NTRK3: variants seen among roughly 807,000 people sequenced by gnomAD.
The protein encoded by NTRK3 is NT-3 growth factor receptor.
Under a neutral mutation model 91.7 loss-of-function variants are expected in NTRK3, and 24 were observed. That is an observed-to-expected ratio of 0.26 (90% CI 0.19 to 0.37). The LOEUF (loss-of-function observed/expected upper bound fraction) is 0.37. Ranked by LOEUF, NTRK3 falls within the 10% of genes least tolerant of loss-of-function variation. The pLI is 1.00. For synonymous variants in NTRK3, 483 were observed against 404.0 expected, an observed-to-expected ratio of 1.20 and a Z score of -2.34; for missense variants, 880 against 1,068.9, an observed-to-expected ratio of 0.82 and a Z score of 2.46.
At chr15:87,964,857 ACAC>A (rs1367418792) in intron 14 of NTRK3, among the ~76,000 whole-genome samples, 2 of 152,238 alleles carry the variant, frequency 1.3e-5, no homozygotes, top group Non-Finnish European at 2.9e-5. Flanking sequence ...TTCTATGGTT[ACAC>A]CACATTTTCT....
chr15:88,108,443 T>C (rs989249891), intron 13 of NTRK3, among the ~76,000 whole-genome samples: 1 of 152,170 alleles, frequency 6.6e-6, no homozygotes, highest in African/African-American at 2.4e-5. Flanking sequence ...AGCCCATATA[T>C]GCAATGGGTG....
chr15:88,244,347 G>T (rs2141931646), intron 3 of NTRK3, among the ~76,000 whole-genome samples: 1 of 152,240 alleles, frequency 6.6e-6, no homozygotes, highest in Non-Finnish European at 1.5e-5. Flanking sequence ...ATCTTACTTT[G>T]CAGGGGAAGA....
At chr15:87,866,359 G>C (rs2064677380) in exon 19 of NTRK3, 1 of 178,026 alleles carries the variant, frequency 5.6e-6, no homozygotes, top group Non-Finnish European at 1.2e-5. Flanking sequence ...TATATTAGAA[G>C]GAATCAAGAA....
At chr15:87,965,816 G>C (rs762238215) in intron 14 of NTRK3, among the ~76,000 whole-genome samples, 1 of 152,214 alleles carries the variant, frequency 6.6e-6, no homozygotes, top group African/African-American at 2.4e-5. Flanking sequence ...GGTGGCTCAT[G>C]TGTGTAATCC....
chr15:88,011,632 T>C (rs1010030812), intron 14 of NTRK3, among the ~76,000 whole-genome samples: 9 of 152,136 alleles, frequency 5.9e-5, no homozygotes, highest in African/African-American at 2.2e-4. Flanking sequence ...GCTGAAGATA[T>C]ACACATCCTG....
chr15:87,942,556 G>A (rs190994937), intron 14 of NTRK3, among the ~76,000 whole-genome samples: 53 of 152,294 alleles, frequency 3.5e-4, no homozygotes, highest in African/African-American at 1.1e-3. Context: ...GTCCTGGCAC[G>A]GCCTGGGAGT....
intron 15 of NTRK3, among the ~76,000 whole-genome samples, chr15:87,940,272 G>A (rs1449269960): frequency 6.6e-6 from 1 of 152,186 alleles, no homozygotes; most frequent in Non-Finnish European, 1.5e-5. Flanking sequence ...TGACTTTCCA[G>A]GCACAGACAG....
chr15:88,166,763 T>C (rs1416050704), intron 5 of NTRK3, among the ~76,000 whole-genome samples: 2 of 152,206 alleles, frequency 1.3e-5, no homozygotes, highest in Non-Finnish European at 2.9e-5. Flanking sequence ...TAGATATGAA[T>C]AAATCTCTTC....
chr15:88,077,775 C>T (rs1349076536), intron 13 of NTRK3, among the ~76,000 whole-genome samples: 1 of 152,160 alleles, frequency 6.6e-6, no homozygotes, highest in Non-Finnish European at 1.5e-5. Context: ...GGATGTGGCC[C>T]CGTTTCCTGC....
At chr15:88,194,264 G>C (rs140550232) in intron 3 of NTRK3, among the ~76,000 whole-genome samples, 10 of 152,292 alleles carry the variant, frequency 6.6e-5, no homozygotes, top group South Asian at 2.1e-4. Context: ...GGAGCCTGGG[G>C]CTCCTCTATT....
At chr15:88,248,551 T>A (rs1045880743) in intron 3 of NTRK3, among the ~76,000 whole-genome samples, 1 of 152,196 alleles carries the variant, frequency 6.6e-6, no homozygotes, top group African/African-American at 2.4e-5. Flanking sequence ...TGTGTGCATA[T>A]ATATGTGTAT....
At chr15:88,211,234 C>A (rs565478104) in intron 3 of NTRK3, among the ~76,000 whole-genome samples, 559 of 152,288 alleles carry the variant, frequency 3.7e-3, no homozygotes, top group South Asian at 0.011. Flanking sequence ...CAATTCTGGA[C>A]ATTTGATATA....
intron 3 of NTRK3, among the ~76,000 whole-genome samples, chr15:88,220,361 A>G (rs2050138131): frequency 6.6e-6 from 1 of 152,110 alleles, no homozygotes; most frequent in Non-Finnish European, 1.5e-5. Context: ...CCGAAACCTC[A>G]AAGGCCACCA....
rs118119254 is a variant in NTRK3 at position 88,199,730 on chromosome 15, G to A, written c.249-15431C>T. Among the ~76,000 whole-genome samples, 348 of 152,302 alleles carry A rather than the reference G, an allele frequency of 2.3e-3. 6 individuals are homozygous for A. The East Asian group carries it at 0.023, about 10-fold the overall frequency. On this transcript the variant is annotated intron_variant, in intron 3 of 18. Coordinates refer to ENST00000394480, the Ensembl canonical transcript of NTRK3. ...TGTCTGTGCCCTTAACTCCAGCACCGGGGAAAGTGTCTGGGGAGACCCAGT... is the reference window on the plus strand; with the variant it reads ...TGTCTGTGCCCTTAACTCCAGCACCAGGGAAAGTGTCTGGGGAGACCCAGT...
chr15:88,145,401 A>C (rs2042795909), intron 6 of NTRK3, among the ~76,000 whole-genome samples: 1 of 152,136 alleles, frequency 6.6e-6, no homozygotes, highest in South Asian at 2.1e-4. Context: ...GACAGAAATA[A>C]AACACACCAT....
At chr15:87,871,557 C>A in exon 19 of NTRK3, 1 of 230,332 alleles carries the variant, frequency 4.3e-6, no homozygotes, top group Non-Finnish European at 8.6e-6. Context: ...ATCTATCAGG[C>A]AACCAGGAAG....
chr15:88,002,924 G>A (rs2076221383), intron 14 of NTRK3, among the ~76,000 whole-genome samples: 1 of 152,092 alleles, frequency 6.6e-6, no homozygotes, highest in Non-Finnish European at 1.5e-5. Context: ...GCTCAAATCA[G>A]ATATTCAATG....
At chr15:87,992,609 G>A (rs2075375728) in intron 14 of NTRK3, among the ~76,000 whole-genome samples, 1 of 152,208 alleles carries the variant, frequency 6.6e-6, no homozygotes, top group African/African-American at 2.4e-5. Flanking sequence ...CACTTGCCCA[G>A]GCAATGAGCA....
chr15:88,154,385 G>A (rs1242194939), intron 5 of NTRK3, among the ~76,000 whole-genome samples: 1 of 152,336 alleles, frequency 6.6e-6, no homozygotes. Flanking sequence ...GAGGGCCCAT[G>A]AGCCAACCCC....
Sources: allele counts gnomAD v4.1 joint callset (sites outside exome capture counted in the v4.1 genomes callset), GRCh38; gene constraint gnomAD v4.1.1; transcripts MANE v1.5; gene names NCBI Gene and HGNC (gene_info 2026-07-23, HGNC 2026-07-21).